The following HPSE2 variants were observed in gnomAD, a reference collection of about 807,000 sequenced individuals.
The protein encoded by HPSE2 is inactive heparanase-2.
HPSE2 carries 38 observed loss-of-function variants against 60.5 expected under a neutral mutation model. The observed-to-expected ratio is 0.63, with a 90% CI of 0.48 to 0.82. HPSE2 has a LOEUF of 0.82. HPSE2 is among the 40% of genes least tolerant of loss of function. The probability of loss-of-function intolerance (pLI) is 0.00; values close to 1 mark genes in which losing one functional copy is unlikely to be tolerated. For synonymous variants in HPSE2, 295 were observed against 293.2 expected (o/e 1.01, Z -0.06); for missense variants, 713 against 740.4 (o/e 0.96, Z 0.43).
intron 3 of HPSE2, among the ~76,000 whole-genome samples, chr10:98,866,285 C>T (rs1242807668): frequency 6.6e-6 from 1 of 151,900 alleles, no homozygotes; most frequent in Non-Finnish European, 1.5e-5. Flanking sequence ...CATTAGTGAA[C>T]TTGAAGGAGT....
chr10:98,719,657 AG>A (rs1446874901), intron 5 of HPSE2, among the ~76,000 whole-genome samples: 1 of 147,938 alleles, frequency 6.8e-6, no homozygotes, highest in Non-Finnish European at 1.5e-5. Context: ...TGCATCTGAA[AG>A]GGTTTGGATT....
At chr10:99,261,830 T>C in the HPSE2 span, among the ~76,000 whole-genome samples, 1 of 152,104 alleles carries the variant, frequency 6.6e-6, no homozygotes, top group Non-Finnish European at 1.5e-5. Flanking sequence ...CAGTCAGGCA[T>C]TCCTTCAGGA....
At chr10:98,997,936 C>T (rs538045996) in intron 3 of HPSE2, among the ~76,000 whole-genome samples, 3 of 152,196 alleles carry the variant, frequency 2.0e-5, no homozygotes, top group Admixed American at 6.5e-5. Context: ...TAATGAAAAG[C>T]ACAAGTGTCA....
intron 9 of HPSE2, among the ~76,000 whole-genome samples, chr10:98,503,162 A>G (rs935007127): frequency 1.3e-5 from 2 of 151,586 alleles, no homozygotes; most frequent in African/African-American, 4.9e-5. Flanking sequence ...CAGTGAGCCA[A>G]GATCGCGCCA....
intron 2 of HPSE2, among the ~76,000 whole-genome samples, chr10:99,145,056 C>T (rs1845999253): frequency 6.6e-6 from 1 of 152,204 alleles, no homozygotes; most frequent in African/African-American, 2.4e-5. Context: ...GGAAGATCTG[C>T]CTTTTCCCCA....
At chr10:98,808,081 A>T (rs1951083316) in intron 3 of HPSE2, among the ~76,000 whole-genome samples, 1 of 152,176 alleles carries the variant, frequency 6.6e-6, no homozygotes, top group African/African-American at 2.4e-5. Context: ...ATTTTTCACA[A>T]GCTCCTATGG....
At chr10:98,468,691 T>G (rs893427150) in intron 11 of HPSE2, among the ~76,000 whole-genome samples, 2 of 152,168 alleles carry the variant, frequency 1.3e-5, no homozygotes, top group African/African-American at 4.8e-5. Context: ...TGATAGCTGT[T>G]TAGTTAATAC....
At chr10:98,524,373 A>G (rs867561848) in intron 9 of HPSE2, among the ~76,000 whole-genome samples, 16 of 152,174 alleles carry the variant, frequency 1.1e-4, no homozygotes, top group Admixed American at 6.6e-5. Context: ...AAGTGCGTGC[A>G]AGATAAGTAT....
intron 3 of HPSE2, among the ~76,000 whole-genome samples, chr10:98,763,758 G>C (rs1331138986): frequency 6.6e-6 from 1 of 151,102 alleles, no homozygotes; most frequent in Non-Finnish European, 1.5e-5. Context: ...AGGAATAAAG[G>C]TGTTACAAAG....
chr10:98,942,454 T>A (rs535876846), intron 3 of HPSE2, among the ~76,000 whole-genome samples: 1 of 150,732 alleles, frequency 6.6e-6, no homozygotes, highest in South Asian at 2.1e-4. Context: ...AGAAGACATT[T>A]ATGCAGCCAA....
chr10:98,545,538 A>G (rs1943639134), intron 9 of HPSE2, among the ~76,000 whole-genome samples: 1 of 152,204 alleles, frequency 6.6e-6, no homozygotes, highest in Admixed American at 6.5e-5. Flanking sequence ...ATATAAACAG[A>G]ACCAAAGACA....
At chr10:98,571,451 T>A (rs777878244) in intron 9 of HPSE2, among the ~76,000 whole-genome samples, 14 of 152,162 alleles carry the variant, frequency 9.2e-5, no homozygotes, top group Non-Finnish European at 1.8e-4. Flanking sequence ...GATCGTTGAA[T>A]GGGCTTCAAA....
intron 2 of HPSE2, among the ~76,000 whole-genome samples, chr10:99,188,286 A>G (rs1848101356): frequency 6.6e-6 from 1 of 152,174 alleles, no homozygotes; most frequent in South Asian, 2.1e-4. Context: ...AGTGGGGTGA[A>G]GGGTTGACTG....
At chr10:99,222,381 C>G (rs938566565) in intron 2 of HPSE2, among the ~76,000 whole-genome samples, 7 of 152,116 alleles carry the variant, frequency 4.6e-5, no homozygotes, top group African/African-American at 1.7e-4. Context: ...AACAAAATCT[C>G]AGTTCAAACA....
At chr10:99,105,318 A>G (rs1045635684) in intron 3 of HPSE2, among the ~76,000 whole-genome samples, 1 of 152,076 alleles carries the variant, frequency 6.6e-6, no homozygotes, top group African/African-American at 2.4e-5. Flanking sequence ...TTTAATTTCA[A>G]CTTTCCTGTT....
intron 9 of HPSE2, among the ~76,000 whole-genome samples, chr10:98,551,343 T>G (rs1472908233): frequency 6.6e-6 from 1 of 152,160 alleles, no homozygotes. Context: ...GACTATGTGT[T>G]TGGGTTGTTT....
intron 2 of HPSE2, among the ~76,000 whole-genome samples, chr10:99,168,260 T>C (rs1016457959): frequency 6.6e-6 from 1 of 152,202 alleles, no homozygotes; most frequent in Admixed American, 6.5e-5. Context: ...AATTTTATAA[T>C]TTCCTCTATT....
intron 9 of HPSE2, among the ~76,000 whole-genome samples, chr10:98,517,721 G>C (rs1219522554): frequency 6.6e-6 from 1 of 152,168 alleles, no homozygotes; most frequent in Non-Finnish European, 1.5e-5. Context: ...ATCCCTAGTA[G>C]ATAGAAAAGC....
intron 3 of HPSE2, among the ~76,000 whole-genome samples, chr10:99,140,092 C>T (rs1282474643): frequency 1.3e-5 from 2 of 151,828 alleles, no homozygotes; most frequent in Admixed American, 6.6e-5. Flanking sequence ...AGCAATAGTC[C>T]CCAGATAATT....
Sources: gnomAD v4.1 joint callset for allele counts (sites outside exome capture counted in the v4.1 genomes callset) on GRCh38, gnomAD v4.1.1 for gene constraint, MANE v1.5 for transcripts, NCBI Gene and HGNC (gene_info 2026-07-23, HGNC 2026-07-21) for gene names.